The following SMAP1 variants were observed in gnomAD, a reference collection of about 807,000 sequenced individuals.
SMAP1 encodes the protein small ArfGAP 1.
A neutral mutation model predicts 58.5 loss-of-function variants in SMAP1; 24 were observed. The observed-to-expected ratio is 0.41, with a 90% CI of 0.30 to 0.58. The LOEUF (loss-of-function observed/expected upper bound fraction) is 0.58, where lower values mean the gene tolerates loss of function less well. SMAP1 is among the 20% of genes least tolerant of loss of function. SMAP1 has a pLI of 0.29. For missense variants in SMAP1, 563 were observed against 566.3 expected, an observed-to-expected ratio of 0.99 and a Z score of 0.06; for synonymous variants, 216 against 196.6, an observed-to-expected ratio of 1.10 and a Z score of -0.82.
intron 5 of SMAP1, 126 bp downstream of exon 5, chr6:70,791,895 C>T (rs984303677): frequency 1.4e-6 from 1 of 719,658 alleles, no homozygotes; most frequent in Non-Finnish European, 2.1e-6. Context: ...AGAATTAAAA[C>T]AGCAATTTCT....
intron 6 of SMAP1, among the ~76,000 whole-genome samples, chr6:70,833,354 A>G (rs1276020479): frequency 1.3e-5 from 2 of 152,228 alleles, no homozygotes; most frequent in Non-Finnish European, 2.9e-5. Context: ...GTAATCTCTA[A>G]AATCACCTTT....
intron 4 of SMAP1, among the ~76,000 whole-genome samples, chr6:70,778,378 G>A (rs2149921359): frequency 6.6e-6 from 1 of 152,280 alleles, no homozygotes; most frequent in Middle Eastern, 3.4e-3. Flanking sequence ...GTTGAGGTAT[G>A]TTCCTTTATG....
chr6:70,800,944 T>C lies in SMAP1; in HGVS notation c.576+2207T>C, dbSNP rs527728537. ...GATGGACATTTGGGTTGGTTCCAAG[T>C]CTTTGCTATTGTGAATAGTGCCACA... On this transcript the variant is annotated intron_variant, in intron 6 of 10. Transcript: ENST00000370455. Among the ~76,000 whole-genome samples, 8 of 152,310 alleles carry C rather than the reference T, an allele frequency of 5.3e-5. No individual in the cohort carries two copies. The South Asian group carries it at 1.7e-3, about 32-fold the overall frequency.
intron 1 of SMAP1, among the ~76,000 whole-genome samples, chr6:70,715,082 GT>G (rs1768211085): frequency 7.2e-6 from 1 of 138,742 alleles, no homozygotes; most frequent in Non-Finnish European, 1.5e-5. Context: ...CTCTGTGTGG[GT>G]TTCTTTTTTT....
intron 3 of SMAP1, among the ~76,000 whole-genome samples, chr6:70,768,709 A>T (rs534922126): frequency 1.3e-4 from 20 of 151,446 alleles, no homozygotes; most frequent in African/African-American, 4.9e-4. Flanking sequence ...CAGCTCCTGG[A>T]TTCATTGATT....
chr6:70,690,930 A>G (rs1426066303), intron 1 of SMAP1, among the ~76,000 whole-genome samples: 1 of 150,208 alleles, frequency 6.7e-6, no homozygotes, highest in African/African-American at 2.5e-5. Context: ...ACTATTCCTT[A>G]ATCGTTTGGT....
At chr6:70,798,037 T>C (rs1348040230) in intron 5 of SMAP1, among the ~76,000 whole-genome samples, 1 of 152,108 alleles carries the variant, frequency 6.6e-6, no homozygotes, top group African/African-American at 2.4e-5. Context: ...CATAATGCCA[T>C]TTATACTTCA....
intron 1 of SMAP1, among the ~76,000 whole-genome samples, chr6:70,687,468 A>C (rs1766981008): frequency 6.6e-6 from 1 of 152,104 alleles, no homozygotes; most frequent in African/African-American, 2.4e-5. Context: ...TAGGGCATTG[A>C]GTATTTCTAG....
chr6:70,749,709 G>A (rs777613361), intron 2 of SMAP1, among the ~76,000 whole-genome samples: 1 of 152,050 alleles, frequency 6.6e-6, no homozygotes, highest in Non-Finnish European at 1.5e-5. Flanking sequence ...ATGAATTTTA[G>A]TTTTACTATT....
intron 1 of SMAP1, among the ~76,000 whole-genome samples, chr6:70,705,866 A>G (rs758409526): frequency 2.0e-5 from 3 of 152,190 alleles, no homozygotes; most frequent in Non-Finnish European, 2.9e-5. Flanking sequence ...AAATTTGTCT[A>G]CAGTTCCATA....
intron 3 of SMAP1, among the ~76,000 whole-genome samples, chr6:70,771,375 A>C (rs574376901): frequency 5.9e-5 from 9 of 152,320 alleles, no homozygotes; most frequent in African/African-American, 2.2e-4. Flanking sequence ...AGAGGCCGGC[A>C]GGCCTCCTTG....
At position 70,861,542 on chromosome 6, in the gene SMAP1, A is replaced by G; in HGVS notation, c.*1208A>G. ...TTAAACAGATGTCCATCAGATGACA[A>G]GAAAGGCTGCTGTACTGAAGTAAAA... On this transcript the variant is annotated 3_prime_UTR_variant, in exon 11 of 11. Transcript: ENST00000370455. The G allele has an allele frequency of 1.2e-6, 1 of 826,166 alleles. No homozygotes were observed. Among genetic ancestry groups the G allele is most frequent in the Non-Finnish European group, 1.9e-6 (1 of 517,692 alleles). The allele number at this position is 826,166 out of a possible 1,614,324, so 51.2% of individuals were successfully genotyped here.
At chr6:70,719,010 A>G (rs979757427) in intron 1 of SMAP1, among the ~76,000 whole-genome samples, 6 of 152,132 alleles carry the variant, frequency 3.9e-5, no homozygotes, top group Non-Finnish European at 4.4e-5. Flanking sequence ...AAACTATTTT[A>G]TAACATATAT....
chr6:70,744,888 C>T (rs1765963484), intron 2 of SMAP1, among the ~76,000 whole-genome samples: 1 of 152,204 alleles, frequency 6.6e-6, no homozygotes, highest in Non-Finnish European at 1.5e-5. Context: ...GATGGTATCT[C>T]ATTGTGGTTT....
At chr6:70,734,977 T>A (rs1286188608) in intron 2 of SMAP1, 1 of 153,288 alleles carries the variant, frequency 6.5e-6, no homozygotes, top group Non-Finnish European at 1.5e-5. Context: ...ATCAGACCCT[T>A]TTGCTTCACT....
chr6:70,756,479 T>C (rs900542155), intron 3 of SMAP1, among the ~76,000 whole-genome samples: 4 of 152,110 alleles, frequency 2.6e-5, no homozygotes, highest in Non-Finnish European at 5.9e-5. Flanking sequence ...TATAGAAAGT[T>C]TGCAGGGTTA....
intron 4 of SMAP1, among the ~76,000 whole-genome samples, chr6:70,779,100 G>A (rs118095579): frequency 1.3e-3 from 192 of 152,330 alleles, no homozygotes; most frequent in Middle Eastern, 3.4e-3. Context: ...CCAGGCAGGC[G>A]GTTCTCAGGT....
chr6:70,705,027 T>C (rs1330188950), intron 1 of SMAP1, among the ~76,000 whole-genome samples: 1 of 152,188 alleles, frequency 6.6e-6, no homozygotes, highest in Non-Finnish European at 1.5e-5. Context: ...ATCTGTTTTA[T>C]TTCCCTGAGG....
chr6:70,842,340 A>G (rs1335334026), intron 7 of SMAP1, among the ~76,000 whole-genome samples: 2 of 152,230 alleles, frequency 1.3e-5, no homozygotes, highest in Non-Finnish European at 2.9e-5. Context: ...CACACTGCAT[A>G]GGAAAGAAAA....
Sources: gnomAD v4.1 joint callset for allele counts (sites outside exome capture counted in the v4.1 genomes callset) on GRCh38, gnomAD v4.1.1 for gene constraint, MANE v1.5 for transcripts, NCBI Gene and HGNC (gene_info 2026-07-23, HGNC 2026-07-21) for gene names.